Variants in NCALD observed in about 807,000 individuals in gnomAD.
NCALD encodes the protein neurocalcin-delta.
NCALD carries 10 observed loss-of-function variants against 18.6 expected under a neutral mutation model. That is an observed-to-expected ratio of 0.54 (90% CI 0.33 to 0.91). The LOEUF (loss-of-function observed/expected upper bound fraction) is 0.91. NCALD is among the 40% of genes least tolerant of loss of function. The pLI, the probability that NCALD is intolerant of heterozygous loss-of-function variation, is 0.03. For missense variants in NCALD, 184 were observed against 247.6 expected (o/e 0.74, Z 1.72); for synonymous variants, 88 against 87.4 (o/e 1.01, Z -0.04).
intron 1 of NCALD, among the ~76,000 whole-genome samples, chr8:101,739,024 T>C (rs1810065689): frequency 6.6e-6 from 1 of 152,176 alleles, no homozygotes; most frequent in Admixed American, 6.5e-5. Context: ...TGCTGTTCTC[T>C]GTGCCTCAAA....
chr8:101,746,087 CA>C (rs1482714319), intron 1 of NCALD: 1 of 152,202 alleles, frequency 6.6e-6, no homozygotes, highest in Admixed American at 6.5e-5. Context: ...TCATTCTATG[CA>C]CTAGTTATCA....
At chr8:101,719,174 A>G (rs1816231478) in intron 2 of NCALD, 78 bp downstream of exon 2, 2 of 1,512,644 alleles carry the variant, frequency 1.3e-6, no homozygotes, top group Non-Finnish European at 1.8e-6. Context: ...CAACCTCTGC[A>G]CCGTGCTATA....
chr8:102,091,943 A>G (rs1006647022), intron 1 of NCALD, among the ~76,000 whole-genome samples: 3 of 152,164 alleles, frequency 2.0e-5, no homozygotes, highest in Non-Finnish European at 2.9e-5. Context: ...AGGGAGGGGG[A>G]AAATGTCAGA....
intron 4 of NCALD, among the ~76,000 whole-genome samples, chr8:101,856,208 G>C (rs1025945310): frequency 5.9e-5 from 9 of 152,126 alleles, no homozygotes; most frequent in African/African-American, 2.2e-4. Context: ...GTCTTGCTCT[G>C]TCACCCAGGC....
At chr8:101,885,137 T>C (rs1304297047) in intron 4 of NCALD, among the ~76,000 whole-genome samples, 1 of 152,208 alleles carries the variant, frequency 6.6e-6, no homozygotes, top group Non-Finnish European at 1.5e-5. Context: ...TAGGGAGCCT[T>C]GGGAAGAGTA....
chr8:101,693,017 T>C, intron 2 of NCALD, 121 bp from the exon 3 acceptor site: 1 of 677,886 alleles, frequency 1.5e-6, no homozygotes, highest in South Asian at 1.7e-5. Context: ...GACCTAGTCC[T>C]ACCCCTATTG....
intron 1 of NCALD, among the ~76,000 whole-genome samples, chr8:102,099,749 G>A (rs1825214829): frequency 1.3e-5 from 2 of 152,006 alleles, no homozygotes; most frequent in South Asian, 4.1e-4. Context: ...TTTGAGACCA[G>A]CCTGGCCAAC....
chr8:101,834,020 C>G (rs1486753315), intron 4 of NCALD, among the ~76,000 whole-genome samples: 2 of 152,090 alleles, frequency 1.3e-5, no homozygotes, highest in African/African-American at 4.8e-5. Context: ...TTTATAATAG[C>G]CCTAGGGAAA....
At chr8:102,049,304 T>G (rs1033823233) in intron 1 of NCALD, among the ~76,000 whole-genome samples, 3 of 152,186 alleles carry the variant, frequency 2.0e-5, no homozygotes, top group African/African-American at 7.2e-5. Flanking sequence ...ATGGATCCAA[T>G]CCCCCATGGA....
chr8:101,940,396 G>A (rs1014225695), intron 2 of NCALD, among the ~76,000 whole-genome samples: 10 of 152,174 alleles, frequency 6.6e-5, no homozygotes, highest in Non-Finnish European at 1.2e-4. Context: ...TTCATCATCC[G>A]TCAGAGGAAA....
rs202125406 is a variant in NCALD, at chr8:101,689,228, C to CA, written c.*80dup. 79,719 of 1,134,644 alleles carry CA rather than the reference C, an allele frequency of 0.07. 10 individuals carry two copies. The highest frequency in any genetic ancestry group is 0.08 in the Non-Finnish European group (65,054 of 813,342). The allele number at this position is 1,134,644 out of a possible 1,614,324, so 70.3% of individuals were successfully genotyped here. On this transcript the variant is annotated 3_prime_UTR_variant, in exon 4 of 4. Transcript: ENST00000220931. The surrounding 1 kb of genome is among the most constrained non-coding windows in gnomAD (Gnocchi z 4.4). ...CGGCATCACCATTGATATTGTTTGG[C>CA]AAAAAAAAAAAAAAATTGTTAAAAA...
At position 101,804,740 on chromosome 8, in the gene NCALD, A is replaced by G. The variant is rs373652154; in HGVS notation, c.-20+82401T>C. On this transcript the variant is annotated intron_variant, in intron 4 of 6. Coordinates refer to the NCALD transcript ENST00000311028. ...AATAAAATATAATGCTTTTAAAAACATAATGCCATTTCACACTTAATAGAT... is the reference window on the plus strand; with the variant it reads ...AATAAAATATAATGCTTTTAAAAACGTAATGCCATTTCACACTTAATAGAT... Among the ~76,000 whole-genome samples, 12 of 148,768 alleles carry G rather than the reference A, an allele frequency of 8.1e-5. No individual in the cohort carries two copies. In the East Asian group the frequency reaches 1.6e-3, roughly 19 times the overall value.
chr8:102,080,292 G>A (rs574855325), intron 1 of NCALD, among the ~76,000 whole-genome samples: 8 of 152,258 alleles, frequency 5.3e-5, no homozygotes, highest in Middle Eastern at 3.4e-3. Context: ...AACCTTTATA[G>A]CTTAATGCTA....
Position 101,938,177 on chromosome 8 carries a change from T to C in NCALD, c.-156-22319A>G, listed in dbSNP as rs375868458. Among the ~76,000 whole-genome samples the C allele has an allele frequency of 1.3e-3, 193 of 152,308 alleles. 1 individual carries two copies. The highest frequency in any genetic ancestry group is 4.4e-3 in the African/African-American group (184 of 41,568). Reference sequence around the variant, plus strand: ...ACTCAATAAGCAATTGTTTCAAGAATCCATTATTTTCTCATTTTGACATAA... The same window carrying C: ...ACTCAATAAGCAATTGTTTCAAGAACCCATTATTTTCTCATTTTGACATAA... On this transcript the variant is annotated intron_variant, in intron 2 of 6. Coordinates refer to the NCALD transcript ENST00000311028.
chr8:101,795,559 A>T (rs190310878), upstream of NCALD, among the ~76,000 whole-genome samples: 48 of 152,250 alleles, frequency 3.2e-4, 1 homozygote, highest in African/African-American at 8.9e-4. Context: ...AATTTATCCC[A>T]TTTATGAGGG....
chr8:101,942,128 C>A (rs567334521), intron 2 of NCALD, among the ~76,000 whole-genome samples: 16 of 152,132 alleles, frequency 1.1e-4, no homozygotes, highest in Non-Finnish European at 2.4e-4. Flanking sequence ...ATTTCCAACA[C>A]TGTATATAGC....
intron 4 of NCALD, among the ~76,000 whole-genome samples, chr8:101,832,176 C>T (rs1814217309): frequency 6.6e-6 from 1 of 152,104 alleles, no homozygotes; most frequent in Non-Finnish European, 1.5e-5. Context: ...TAGATGCTTC[C>T]AATCCTGTCA....
At chr8:101,835,884 T>C (rs1372242521) in intron 4 of NCALD, among the ~76,000 whole-genome samples, 2 of 152,122 alleles carry the variant, frequency 1.3e-5, no homozygotes, top group Non-Finnish European at 2.9e-5. Flanking sequence ...CTAGATCACC[T>C]AAACAGTAGT....
intron 1 of NCALD, among the ~76,000 whole-genome samples, chr8:102,063,183 G>A (rs911409747): frequency 6.6e-6 from 1 of 152,178 alleles, no homozygotes; most frequent in African/African-American, 2.4e-5. Flanking sequence ...CTAAGTTGCT[G>A]CTTTCAATTT....
Sources: allele counts gnomAD v4.1 joint callset (sites outside exome capture counted in the v4.1 genomes callset), GRCh38; gene constraint gnomAD v4.1.1; non-coding constraint Gnocchi (gnomAD v3.1); transcripts MANE v1.5; gene names NCBI Gene and HGNC (gene_info 2026-07-23, HGNC 2026-07-21).